Variants in MAGT1 observed in about 807,000 individuals in gnomAD.
MAGT1 encodes magnesium transporter 1.
MAGT1 carries 4 observed loss-of-function variants against 28.4 expected under a neutral mutation model. The observed-to-expected ratio is 0.14, with a 90% CI of 0.07 to 0.32. MAGT1 has a LOEUF of 0.32. Ranked by LOEUF, MAGT1 falls within the 10% of genes least tolerant of loss-of-function variation. The pLI is 1.00. For missense variants in MAGT1, 193 were observed against 264.5 expected, an observed-to-expected ratio of 0.73 and a Z score of 1.88; for synonymous variants, 89 against 89.7, an observed-to-expected ratio of 0.99 and a Z score of 0.04.
At chrX:77,841,198 T>C in intron 8 of MAGT1, 48 bp downstream of exon 8, 1 of 957,266 alleles carries the variant, frequency 1.0e-6, no homozygotes. Context: ...GATCACTCTT[T>C]TTCCATAGTA....
chrX:77,829,172 G>C lies in MAGT1; in HGVS notation c.*48C>G. On this transcript the variant is annotated 3_prime_UTR_variant, in exon 10 of 10. Transcript: ENST00000618282. ...TTCTTTTCAAACACACACGATTTTCGTTTTTCAATTTCCAGTACTCCAGTG... is the reference window on the plus strand; with the variant it reads ...TTCTTTTCAAACACACACGATTTTCCTTTTTCAATTTCCAGTACTCCAGTG... 1 of 1,129,890 alleles carries C rather than the reference G, an allele frequency of 8.9e-7. No individual in the cohort carries two copies. The highest frequency in any genetic ancestry group is 1.9e-5 in the South Asian group (1 of 53,729). The allele number at this position is 1,129,890 out of a possible 1,213,427, so 93.1% of individuals were successfully genotyped here. A position where few individuals can be genotyped will look rare whatever the true frequency, so the allele number is the denominator to read the frequency against.
chrX:77,884,083 C>G (rs983167478), intron 1 of MAGT1, among the ~76,000 whole-genome samples: 21 of 110,801 alleles, frequency 1.9e-4, no homozygotes, highest in Non-Finnish European at 3.0e-4. Context: ...GTCCCAGCTA[C>G]TCAGGAGGCT....
intron 2 of MAGT1, among the ~76,000 whole-genome samples, chrX:77,873,892 C>A (rs1477223548): frequency 9.0e-6 from 1 of 111,221 alleles, no homozygotes; most frequent in Non-Finnish European, 1.9e-5. Context: ...TACACTTTCA[C>A]CACATCCTCT....
At chrX:77,880,957 C>CAAA (rs11285161) in intron 1 of MAGT1, among the ~76,000 whole-genome samples, 239 of 34,999 alleles carry the variant, frequency 6.8e-3, no homozygotes, top group Middle Eastern at 0.037. Context: ...GAATCTGTCT[C>CAAA]AAAAAAAAAA....
chrX:77,874,412 A>G (rs1401331989), intron 2 of MAGT1, among the ~76,000 whole-genome samples: 2 of 107,503 alleles, frequency 1.9e-5, no homozygotes, highest in East Asian at 6.0e-4. Context: ...CCTGGCCAAC[A>G]TGGTGAAACT....
chrX:77,849,930 G>T (rs1399628744), intron 7 of MAGT1, among the ~76,000 whole-genome samples: 2 of 104,618 alleles, frequency 1.9e-5, no homozygotes, highest in African/African-American at 6.9e-5. Flanking sequence ...TCATCAAACT[G>T]TAAACTTTTG....
At chrX:77,849,631 G>A (rs981347386) in intron 7 of MAGT1, among the ~76,000 whole-genome samples, 2 of 110,572 alleles carry the variant, frequency 1.8e-5, no homozygotes, top group Non-Finnish European at 3.8e-5. Flanking sequence ...TACACTTTGG[G>A]AGGCCGAGGC....
chrX:77,889,363 T>G (rs1278874351), intron 1 of MAGT1, among the ~76,000 whole-genome samples: 1 of 101,603 alleles, frequency 9.8e-6, no homozygotes, highest in African/African-American at 3.6e-5. Flanking sequence ...TATATGTACA[T>G]ATATATATAT....
rs1426308980 is a variant in MAGT1, at chrX:77,895,417, T to C, written c.-7A>G. 3 of 1,210,218 alleles carry C rather than the reference T, an allele frequency of 2.5e-6. No individual in the cohort carries two copies. Among genetic ancestry groups the C allele is most frequent in the Non-Finnish European group, 3.4e-6 (3 of 894,599 alleles). On this transcript the variant is annotated 5_prime_UTR_variant, in exon 1 of 10. Coordinates refer to ENST00000618282, the MANE Select transcript of MAGT1 (RefSeq NM_001367916.1). Reference sequence around the variant, plus strand: ...ACCGCCAACGCGCTGCCATGTTCGCTCCTCTCCCTTCTATAAGTGAAACTT... The same window carrying C: ...ACCGCCAACGCGCTGCCATGTTCGCCCCTCTCCCTTCTATAAGTGAAACTT...
chrX:77,875,673 T>C (rs2077031533), intron 1 of MAGT1, 76 bp from the exon 2 acceptor site: 2 of 1,022,326 alleles, frequency 2.0e-6, no homozygotes, highest in East Asian at 3.0e-5. Context: ...GGCAGCTTAC[T>C]TAAAACCAAT....
intron 8 of MAGT1, among the ~76,000 whole-genome samples, chrX:77,839,118 A>G (rs1345949097): frequency 9.2e-6 from 1 of 108,270 alleles, no homozygotes; most frequent in Non-Finnish European, 1.9e-5. Context: ...CCTGGCTAAC[A>G]CAGTGAAACC....
chrX:77,830,567 A>G (rs782046660), intron 9 of MAGT1, among the ~76,000 whole-genome samples: 10 of 110,717 alleles, frequency 9.0e-5, no homozygotes, highest in African/African-American at 3.3e-4. Flanking sequence ...GTGAGCCGAG[A>G]TTGCGCCATT....
intron 3 of MAGT1, among the ~76,000 whole-genome samples, chrX:77,858,721 G>T: frequency 1.8e-5 from 2 of 111,099 alleles, no homozygotes; most frequent in Non-Finnish European, 3.8e-5. Context: ...ATATGCCTTG[G>T]TCAGTAGGCA....
intron 1 of MAGT1, among the ~76,000 whole-genome samples, chrX:77,893,902 CAA>C (rs781965551): frequency 1.1e-4 from 9 of 82,609 alleles, no homozygotes; most frequent in East Asian, 3.6e-4. Flanking sequence ...GACCCGGTCT[CAA>C]AAAAAAAAAA....
At chrX:77,874,198 G>C (rs1471475920) in intron 2 of MAGT1, among the ~76,000 whole-genome samples, 2 of 106,468 alleles carry the variant, frequency 1.9e-5, no homozygotes, top group Non-Finnish European at 3.9e-5. Flanking sequence ...GCCCAGGCTG[G>C]TCTCCAATGC....
At chrX:77,870,419 TAA>T (rs1442641159) in intron 3 of MAGT1, among the ~76,000 whole-genome samples, 18 of 110,482 alleles carry the variant, frequency 1.6e-4, no homozygotes, top group Admixed American at 9.8e-5. Context: ...ATAAAAATTT[TAA>T]AAAAGAGGTA....
chrX:77,843,535 C>T (rs781979686), intron 7 of MAGT1, among the ~76,000 whole-genome samples: 3 of 111,595 alleles, frequency 2.7e-5, no homozygotes, highest in Non-Finnish European at 5.6e-5. Context: ...TGTGCCTGTG[C>T]CCCATCTTGC....
Position 77,856,526 on chromosome X carries a change from G to C in MAGT1, c.672+207C>G, listed in dbSNP as rs1161443298. ...TGTCATTTAGGTTGAATAAAAGGCA[G>C]GTACAATCAGTTCCTTGAAGTTCTG... On this transcript the variant is annotated intron_variant, in intron 5 of 9. Transcript: ENST00000618282. 1.5e-5 allele frequency: 6 copies of C among 394,643 alleles called. No individual in the cohort carries two copies. In the African/African-American group the frequency reaches 1.5e-4, roughly 10 times the overall value. The allele number at this position is 394,643 out of a possible 1,213,427, so 32.5% of individuals were successfully genotyped here. A position where few individuals can be genotyped will look rare whatever the true frequency, so the allele number is the denominator to read the frequency against.
At position 77,895,394 on chromosome X, in the gene MAGT1, C is replaced by T; in HGVS notation, c.17G>A (p.Arg6Gln). The stretch of plus-strand genomic sequence containing the variant: ...CATGGTCACAGAGACACACCAAAAC[C>T]GCCAACGCGCTGCCATGTTCGCTCC... MAARWRFWCVSVTMVV... is the reference protein window; with the variant it reads MAARWQFWCVSVTMVV... The change falls in exon 1 of 10, where the codon CGG (arginine) becomes CAG (glutamine). Residue 6 changes from arginine (R) to glutamine (Q), a missense_variant. Arg to Gln is a conservative substitution (Grantham distance 43). Coordinates refer to ENST00000618282, the MANE Select transcript of MAGT1 (RefSeq NM_001367916.1). 8.3e-7 allele frequency: 1 copy of T among 1,211,960 alleles called. No individual in the cohort carries two copies. The highest frequency in any genetic ancestry group is 2.3e-4 in the Middle Eastern group (1 of 4,353).
Sources: gnomAD v4.1 joint callset for allele counts (sites outside exome capture counted in the v4.1 genomes callset) on GRCh38, gnomAD v4.1.1 for gene constraint, MANE v1.5 for transcripts, NCBI Gene and HGNC (gene_info 2026-07-23, HGNC 2026-07-21) for gene names.